SNTG1: variants seen among roughly 807,000 people sequenced by gnomAD.
SNTG1 encodes the protein gamma-1-syntrophin.
Under a neutral mutation model 74.7 loss-of-function variants are expected in SNTG1, and 39 were observed. The observed-to-expected ratio is 0.52, with a 90% CI of 0.40 to 0.68. SNTG1 has a LOEUF of 0.68. Ranked by LOEUF, SNTG1 falls within the 30% of genes least tolerant of loss-of-function variation. SNTG1 has a pLI of 0.00. For missense variants in SNTG1, 685 were observed against 609.5 expected (o/e 1.12, Z -1.30); for synonymous variants, 254 against 217.1 (o/e 1.17, Z -1.49).
At chr8:50,146,869 T>C (rs1045333454) in intron 1 of SNTG1, among the ~76,000 whole-genome samples, 9 of 152,172 alleles carry the variant, frequency 5.9e-5, no homozygotes, top group Non-Finnish European at 1.0e-4. Flanking sequence ...TTGTTCTTTT[T>C]TTTTCTTGTT....
intron 1 of SNTG1, among the ~76,000 whole-genome samples, chr8:50,071,565 A>G (rs1315881881): frequency 6.6e-6 from 1 of 151,976 alleles, no homozygotes; most frequent in East Asian, 1.9e-4. Context: ...TGAAACCTCC[A>G]CTTCCCAGGT....
At chr8:50,508,523 T>A (rs1236669547) in intron 9 of SNTG1, among the ~76,000 whole-genome samples, 3 of 152,200 alleles carry the variant, frequency 2.0e-5, no homozygotes, top group Non-Finnish European at 4.4e-5. Context: ...TTGAACTAGT[T>A]TACAGTCCCA....
chr8:50,176,778 T>G (rs1000499902), intron 2 of SNTG1, among the ~76,000 whole-genome samples: 6 of 152,216 alleles, frequency 3.9e-5, no homozygotes, highest in African/African-American at 1.4e-4. Flanking sequence ...TTTGTTCATT[T>G]CAAAGACTCT....
chr8:50,357,760 G>A (rs1274504831), intron 2 of SNTG1, among the ~76,000 whole-genome samples: 1 of 152,086 alleles, frequency 6.6e-6, no homozygotes, highest in African/African-American at 2.4e-5. Flanking sequence ...TGCCTTTAAA[G>A]AATATAAAGT....
At chr8:50,121,718 A>G (rs1396315816) in intron 1 of SNTG1, among the ~76,000 whole-genome samples, 1 of 141,700 alleles carries the variant, frequency 7.1e-6, no homozygotes, top group Admixed American at 7.3e-5. Flanking sequence ...AAAATAAGCC[A>G]AACTTGGTGG....
intron 2 of SNTG1, among the ~76,000 whole-genome samples, chr8:50,327,876 C>T (rs191928202): frequency 1.1e-3 from 162 of 152,158 alleles, no homozygotes; most frequent in Non-Finnish European, 2.0e-3. Context: ...TATACATTTA[C>T]ACTGAATCTA....
chr8:49,946,097 A>G (rs1393300659), intron 1 of SNTG1, among the ~76,000 whole-genome samples: 1 of 152,124 alleles, frequency 6.6e-6, no homozygotes, highest in Non-Finnish European at 1.5e-5. Context: ...ATCTCTATCT[A>G]TCATCTATGT....
rs893550039 is a variant in SNTG1 at position 50,263,561 on chromosome 8, G to C, written c.-28+90926G>C. 2.0e-5 allele frequency among the ~76,000 whole-genome samples: 3 copies of C among 152,070 alleles called. No individual in the cohort carries two copies. In the South Asian group the frequency reaches 6.2e-4, roughly 32 times the overall value. ...GCAAATGATGATCTTAAGATAGCTG[G>C]TGTGGCTATACTAATAGCATAAAAT... On this transcript the variant is annotated intron_variant, in intron 2 of 18. Coordinates refer to ENST00000642720, the MANE Select transcript of SNTG1 (RefSeq NM_018967.5).
Position 50,536,743 on chromosome 8 carries a change from C to G in SNTG1, c.615C>G (p.Asp205Glu). 2 of 1,614,044 alleles carry G rather than the reference C, an allele frequency of 1.2e-6. No homozygotes were observed. The highest frequency in any genetic ancestry group is 1.7e-6 in the Non-Finnish European group (2 of 1,179,912). ...TGAGGTGGGAGAAGCGATGGTGCGA[C>G]CTCAGACTGATCCCTCTACTTCATT... ...PGLRWEKRWC[D>E]LRLIPLLHSR... Residue 205 changes from aspartate to glutamate, a missense_variant, in exon 11 of 19, where the codon GAC becomes GAG. Physicochemically the swap from Asp to Glu is conservative, Grantham distance 45. Coordinates refer to ENST00000642720, the MANE Select transcript of SNTG1 (RefSeq NM_018967.5).
intron 2 of SNTG1, among the ~76,000 whole-genome samples, chr8:50,239,934 A>G (rs910072137): frequency 3.3e-5 from 5 of 152,146 alleles, no homozygotes; most frequent in African/African-American, 1.2e-4. Flanking sequence ...AAAAATCCCA[A>G]TTCTCCTTTC....
intron 13 of SNTG1, chr8:50,644,528 A>G (rs985345758): frequency 2.6e-5 from 4 of 152,200 alleles, no homozygotes; most frequent in Non-Finnish European, 4.4e-5. Flanking sequence ...AGAATACAGT[A>G]TATATTACAT....
chr8:50,772,331 T>C (rs1469705391), intron 18 of SNTG1, among the ~76,000 whole-genome samples: 1 of 152,178 alleles, frequency 6.6e-6, no homozygotes, highest in Non-Finnish European at 1.5e-5. Flanking sequence ...AAAATTATCC[T>C]GGAGCCTTAA....
At chr8:50,713,040 G>T (rs761833333) in intron 17 of SNTG1, among the ~76,000 whole-genome samples, 11 of 152,092 alleles carry the variant, frequency 7.2e-5, no homozygotes, top group Non-Finnish European at 1.3e-4. Flanking sequence ...TGGGTCAGAT[G>T]GTATTTCTGG....
At chr8:50,120,957 G>A (rs203617) in intron 1 of SNTG1, among the ~76,000 whole-genome samples, 119,471 of 140,622 alleles carry the variant, frequency 0.85, 53,694 homozygotes, top group East Asian at 0.99. Context: ...TAAACGTATC[G>A]TAGGACAATC....
At chr8:50,295,889 T>A (rs1355970672) in intron 2 of SNTG1, among the ~76,000 whole-genome samples, 2 of 152,158 alleles carry the variant, frequency 1.3e-5, no homozygotes, top group Non-Finnish European at 2.9e-5. Flanking sequence ...TTCTAGAGGC[T>A]TCAACACCTA....
chr8:50,443,651 T>C (rs1024115239), intron 5 of SNTG1, among the ~76,000 whole-genome samples: 3 of 152,172 alleles, frequency 2.0e-5, no homozygotes, highest in Admixed American at 2.0e-4. Context: ...TGTCAAGAGG[T>C]TAAGTAATTC....
chr8:49,948,914 C>T (rs1156773112), intron 1 of SNTG1, among the ~76,000 whole-genome samples: 1 of 152,200 alleles, frequency 6.6e-6, no homozygotes, highest in Non-Finnish European at 1.5e-5. Flanking sequence ...TTTGGTCTTT[C>T]CTGCTACTTC....
At chr8:50,393,050 G>A (rs180795641) in intron 2 of SNTG1, among the ~76,000 whole-genome samples, 1 of 138,068 alleles carries the variant, frequency 7.2e-6, no homozygotes, top group Non-Finnish European at 1.7e-5. Context: ...GATATTTACA[G>A]GTTCTTCAAA....
In SNTG1 at chr8:50,736,624, T is replaced by A. The variant is rs903361198; in HGVS notation, c.1285-15377T>A. On this transcript the variant is annotated intron_variant, in intron 17 of 18. Transcript: ENST00000642720. ...CCACCCCAAATCAACAGAAGATACA[T>A]TCTTTTCAGCACCACATCGCACTTA... 2.0e-5 allele frequency among the ~76,000 whole-genome samples: 3 copies of A among 152,078 alleles called. No individual in the cohort carries two copies. The East Asian group carries it at 5.8e-4, about 29-fold the overall frequency.
Sources: allele counts gnomAD v4.1 joint callset (sites outside exome capture counted in the v4.1 genomes callset), GRCh38; gene constraint gnomAD v4.1.1; transcripts MANE v1.5; gene names NCBI Gene and HGNC (gene_info 2026-07-23, HGNC 2026-07-21).